The following NBPF8 variants were observed in gnomAD, a reference collection of about 807,000 sequenced individuals.
NBPF8 encodes NBPF member 8.
At chr1:120,418,940 GTTA>G (rs1467362450), upstream of NBPF8, among the ~76,000 whole-genome samples, 4 of 151,470 alleles carry the variant, frequency 2.6e-5, no homozygotes, top group Non-Finnish European at 4.4e-5. Flanking sequence ...ATTCATTGTT[GTTA>G]TTATGATTAT....
exon 23 of NBPF8, chr1:120,464,453 C>T: frequency 1.3e-6 from 1 of 797,142 alleles, no homozygotes; most frequent in Non-Finnish European, 2.3e-6. Context: ...TCAACTCCTT[C>T]CAGTTGTCTT....
downstream of NBPF8, among the ~76,000 whole-genome samples, chr1:120,468,874 C>T (rs1355618400): frequency 6.6e-6 from 1 of 151,572 alleles, no homozygotes; most frequent in Non-Finnish European, 1.5e-5. Context: ...CCTCTGCCGT[C>T]GTGTGGCTCC....
In NBPF8 at chr1:120,450,721, G is replaced by C. The variant is rs1305557578; in HGVS notation, n.1972-459G>C. On this transcript the variant is annotated intron_variant and non_coding_transcript_variant, in intron 11 of 24. Transcript: ENST00000583271. Reference sequence around the variant, plus strand: ...CTGAAGATATGATTTAAAAATCAAAGATTTTAAAAATCTTTCGCATACTTG... The same window carrying C: ...CTGAAGATATGATTTAAAAATCAAACATTTTAAAAATCTTTCGCATACTTG... Among the ~76,000 whole-genome samples the C allele has an allele frequency of 3.3e-5, 5 of 151,206 alleles. No individual in the cohort carries two copies. The South Asian group carries it at 1.0e-3, about 32-fold the overall frequency.
chr1:120,415,296 C>A (rs1553244947), upstream of NBPF8, among the ~76,000 whole-genome samples: 1 of 142,606 alleles, frequency 7.0e-6, no homozygotes, highest in African/African-American at 2.6e-5. Flanking sequence ...CGCGCCAGGC[C>A]GGGGGGCGGT....
At chr1:120,466,183 T>C (rs1661743847) in exon 25 of NBPF8, 15 of 1,608,998 alleles carry the variant, frequency 9.3e-6, no homozygotes, top group South Asian at 2.2e-5. Context: ...GACAAGTCTC[T>C]ATCTGGTCTT....
At chr1:120,416,588 G>T, upstream of NBPF8, among the ~76,000 whole-genome samples, 1 of 45,268 alleles carries the variant, frequency 2.2e-5, no homozygotes, top group African/African-American at 1.8e-4. Flanking sequence ...CTGGGTGGCA[G>T]AGTGAGACCC....
chr1:120,469,478 C>T (rs1252109883), downstream of NBPF8, among the ~76,000 whole-genome samples: 1 of 143,226 alleles, frequency 7.0e-6, no homozygotes, highest in Non-Finnish European at 1.5e-5. Flanking sequence ...CCCTGGTGCT[C>T]GGTCACAGTG....
At chr1:120,460,258 C>T (rs1398932274) in intron 17 of NBPF8, among the ~76,000 whole-genome samples, 2 of 152,146 alleles carry the variant, frequency 1.3e-5, no homozygotes, top group Non-Finnish European at 2.9e-5. Context: ...TGAAGTATCT[C>T]TCCTATGAGG....
At chr1:120,467,777 T>A (rs1197646250), downstream of NBPF8, 1 of 152,340 alleles carries the variant, frequency 6.6e-6, no homozygotes, top group South Asian at 2.1e-4. Flanking sequence ...TTCAGTGTTA[T>A]AATATTTGAT....
intron 3 of NBPF8, among the ~76,000 whole-genome samples, chr1:120,430,807 C>T (rs1660855297): frequency 1.5e-5 from 2 of 129,970 alleles, no homozygotes; most frequent in Non-Finnish European, 3.4e-5. Flanking sequence ...AAGGCCAGTA[C>T]ACCAAAAACT....
chr1:120,452,508 A>G (rs1337109156), intron 13 of NBPF8, among the ~76,000 whole-genome samples, 177 bp downstream of exon 11: 3 of 151,878 alleles, frequency 2.0e-5, no homozygotes, highest in African/African-American at 7.3e-5. Flanking sequence ...ATGGGGTTGG[A>G]GGTCACAGTA....
exon 13 of NBPF8, chr1:120,452,117 G>A (rs1553248923): frequency 3.3e-5 from 53 of 1,590,664 alleles, no homozygotes; most frequent in Non-Finnish European, 4.4e-5. Context: ...CTCACCTTAG[G>A]CAATATAAAG....
chr1:120,420,528 TC>T (rs1252201976), intron 1 of NBPF8, among the ~76,000 whole-genome samples: 1 of 150,558 alleles, frequency 6.6e-6, no homozygotes, highest in Non-Finnish European at 1.5e-5. Context: ...TCCACCCGCA[TC>T]CCCCAGGCTA....
chr1:120,450,052 C>A (rs1461414091), intron 11 of NBPF8, among the ~76,000 whole-genome samples: 2 of 152,058 alleles, frequency 1.3e-5, no homozygotes, highest in East Asian at 1.9e-4. Flanking sequence ...CATGGAGAAA[C>A]CCCATCTTCA....
chr1:120,418,525 C>G (rs1553245594), upstream of NBPF8, among the ~76,000 whole-genome samples: 13 of 151,398 alleles, frequency 8.6e-5, no homozygotes, highest in African/African-American at 3.2e-4. Flanking sequence ...TAGTATTCTA[C>G]ATAATAGTTT....
At chr1:120,436,730 A>C (rs1293684796) in intron 1 of NBPF8, 33 bp downstream of exon 4, 1 of 1,027,040 alleles carries the variant, frequency 9.7e-7, no homozygotes, top group African/African-American at 1.6e-5. Flanking sequence ...CATGAAAGTG[A>C]TGAATGATGT....
At chr1:120,420,328 G>A (rs1420939640) in intron 1 of NBPF8, among the ~76,000 whole-genome samples, 5 of 150,408 alleles carry the variant, frequency 3.3e-5, no homozygotes, top group Admixed American at 2.6e-4. Context: ...TCAGGTGGAA[G>A]TGATTTTACT....
At chr1:120,451,932 A>T (rs1661286141) in intron 12 of NBPF8, among the ~76,000 whole-genome samples, 185 bp from the exon 11 acceptor site, 1 of 151,938 alleles carries the variant, frequency 6.6e-6, no homozygotes, top group African/African-American at 2.4e-5. Context: ...GCTCTCTGTG[A>T]TACAGAGGAA....
chr1:120,432,513 G>A (rs1553247186), upstream of NBPF8: 5 of 150,756 alleles, frequency 3.3e-5, no homozygotes, highest in African/African-American at 4.9e-5. Flanking sequence ...TAGCCCAAAC[G>A]TGGAATGATA....
Sources: allele counts gnomAD v4.1 joint callset (sites outside exome capture counted in the v4.1 genomes callset), GRCh38; gene constraint gnomAD v4.1.1; transcripts MANE v1.5; gene names NCBI Gene and HGNC (gene_info 2026-07-23, HGNC 2026-07-21).